VPS13D: variants seen among roughly 807,000 people sequenced by gnomAD.
VPS13D encodes the protein vacuolar protein sorting 13 homolog D.
In VPS13D, 187 loss-of-function variants were observed where a neutral mutation model predicts 461.9. That is an observed-to-expected ratio of 0.40 (90% CI 0.36 to 0.46). VPS13D has a LOEUF of 0.46. Ranked by LOEUF, VPS13D falls within the 20% of genes least tolerant of loss-of-function variation. The pLI is 0.60. For missense variants in VPS13D, 4,711 were observed against 5,364.9 expected (o/e 0.88, Z 3.81); for synonymous variants, 1,951 against 1,986.3 (o/e 0.98, Z 0.47).
chr1:12,306,610 C>T (rs1268915797), intron 26 of VPS13D, among the ~76,000 whole-genome samples: 1 of 152,172 alleles, frequency 6.6e-6, no homozygotes, highest in Non-Finnish European at 1.5e-5. Context: ...TCTGAAATTT[C>T]ACTATTAATG....
rs202111840 is a variant in VPS13D, at chr1:12,369,447, C to T, written c.10573-20C>T. On this transcript the variant is annotated intron_variant, in intron 53 of 69. Transcript: ENST00000620676. ...CACTCTGAATGAAAGTCCTCTTTGT[C>T]CTCTCTGCCATCACTCTAGGTCCCG... The T allele has an allele frequency of 7.4e-6, 12 of 1,611,360 alleles. No homozygotes were observed. Among genetic ancestry groups the T allele is most frequent in the East Asian group, 2.2e-5 (1 of 44,854 alleles).
intron 67 of VPS13D, among the ~76,000 whole-genome samples, chr1:12,489,736 A>T (rs984571987): frequency 6.6e-6 from 1 of 152,198 alleles, no homozygotes; most frequent in African/African-American, 2.4e-5. Flanking sequence ...AATAGGTAGC[A>T]TTTTATCGAG....
At position 12,316,112 on chromosome 1, in the gene VPS13D, G is replaced by T. The variant is rs191091810; in HGVS notation, c.7148+1785G>T. Among the ~76,000 whole-genome samples the T allele has an allele frequency of 5.9e-4, 90 of 152,246 alleles. 1 individual carries two copies. The highest frequency in any genetic ancestry group is 1.4e-3 in the Admixed American group (21 of 15,296). On this transcript the variant is annotated intron_variant, in intron 30 of 69. Transcript: ENST00000620676. ...TTACAGGTGTGAGCCACCGTGCCCG[G>T]CCGAGAAACATTTCTTTTTGAGTTT...
Position 12,279,686 on chromosome 1 carries a change from T to C in VPS13D, c.4602+36T>C. 1.3e-6 allele frequency: 2 copies of C among 1,575,286 alleles called. No homozygotes were observed. The highest frequency in any genetic ancestry group is 1.7e-6 in the Non-Finnish European group (2 of 1,153,106). ...GTCAGGGCAGTTGAAGTCATATGTT[T>C]ATATTAGTACTCTATAAATATGATA... On this transcript the variant is annotated intron_variant, in intron 20 of 69. Transcript: ENST00000620676. This position sits in a 1 kb window ranked among gnomAD's most constrained non-coding sequence, Gnocchi z 4.3.
chr1:12,277,632 G>C lies in VPS13D; in HGVS notation c.4044G>C (p.Lys1348Asn), dbSNP rs769059213. Residue 1348 changes from lysine to asparagine, a missense_variant, in exon 19 of 70, where the codon AAG becomes AAC. Physicochemically the swap from Lys to Asn is moderately conservative, Grantham distance 94. Around this residue, in one of 3 missense-constraint regions of VPS13D, gnomAD observed 4,411 missense variants for 4,937.8 expected, o/e 0.89. Coordinates refer to ENST00000620676, the MANE Select transcript of VPS13D (RefSeq NM_015378.4). ...EMVSLFETPR[K>N]TREPFILEEN... ...TATCGCTCTTTGAAACTCCAAGGAA[G>C]ACTCGGGAACCCTTTATCTTAGAGG... is the stretch of plus-strand genomic sequence containing the variant. 8 of 1,614,032 alleles carry C rather than the reference G, an allele frequency of 5.0e-6. No homozygotes were observed. The highest frequency in any genetic ancestry group is 6.8e-6 in the Non-Finnish European group (8 of 1,180,004).
chr1:12,460,151 T>A, intron 66 of VPS13D, 50 bp from the exon 67 acceptor site: 1 of 1,476,030 alleles, frequency 6.8e-7, no homozygotes, highest in African/African-American at 1.4e-5. Context: ...CTTTAAATGC[T>A]TTTGCTTTTG....
intron 3 of VPS13D, among the ~76,000 whole-genome samples, chr1:12,242,900 T>C (rs1640424772): frequency 6.6e-6 from 1 of 152,190 alleles, no homozygotes; most frequent in Non-Finnish European, 1.5e-5. Flanking sequence ...AGAACCTCTG[T>C]TCTACATTCA....
At chr1:12,282,667 A>T in intron 20 of VPS13D, 38 bp from the exon 21 acceptor site, 3 of 1,551,956 alleles carry the variant, frequency 1.9e-6, no homozygotes. Flanking sequence ...CGTGCATTTA[A>T]TAATAAGAGT....
intron 67 of VPS13D, among the ~76,000 whole-genome samples, chr1:12,484,046 G>A (rs1196074170): frequency 6.6e-6 from 1 of 151,934 alleles, no homozygotes; most frequent in African/African-American, 2.4e-5. Context: ...GATGTTTTTG[G>A]ATTATATGTG....
intron 65 of VPS13D, among the ~76,000 whole-genome samples, chr1:12,424,365 G>C (rs542899336): frequency 2.8e-4 from 43 of 152,198 alleles, no homozygotes; most frequent in South Asian, 2.1e-3. Flanking sequence ...CATTCCCTTA[G>C]TCTGAGCTCT....
chr1:12,259,419 G>A (rs2101278854), intron 10 of VPS13D, among the ~76,000 whole-genome samples: 1 of 151,810 alleles, frequency 6.6e-6, no homozygotes, highest in Admixed American at 6.6e-5. Context: ...TGGTTCAAGG[G>A]ATCCTCCCAC....
intron 14 of VPS13D, 104 bp from the exon 15 acceptor site, chr1:12,267,741 G>C (rs1641315653): frequency 3.0e-6 from 3 of 999,806 alleles, no homozygotes; most frequent in Non-Finnish European, 4.7e-6. Context: ...GTTTTGATTT[G>C]ATGGTGCTAA....
chr1:12,348,956 G>A lies in VPS13D; in HGVS notation c.9203G>A (p.Ser3068Asn). 6.2e-7 allele frequency: 1 copy of A among 1,614,166 alleles called. No individual in the cohort carries two copies. Among genetic ancestry groups the A allele is most frequent in the Non-Finnish European group, 8.5e-7 (1 of 1,180,028 alleles). The change falls in exon 45 of 70, where the codon AGC (serine) becomes AAC (asparagine). Residue 3068 changes from serine to asparagine, a missense_variant. By Grantham distance (46) the Ser-to-Asn change is conservative. Around this residue, in one of 3 missense-constraint regions of VPS13D, gnomAD observed 4,411 missense variants for 4,937.8 expected, o/e 0.89. Transcript: ENST00000620676. ...LETPMELRLD[S>N]PSAPDKPVVL... ...ACACCAATGGAACTAAGACTGGATA[G>A]CCCATCAGCTCCAGACAGTATGTTT...
At chr1:12,272,392 G>GGTGTGTGTGTGTGTGTGTGT (rs60615824) in intron 17 of VPS13D, among the ~76,000 whole-genome samples, 5 of 143,036 alleles carry the variant, frequency 3.5e-5, no homozygotes, top group African/African-American at 1.3e-4. Context: ...TTTTTGTTTT[G>GGTGTGTGTGTGTGTGTGTGT]GTGTGTGTGT....
chr1:12,407,204 A>G (rs772701039), intron 63 of VPS13D: 33 of 152,272 alleles, frequency 2.2e-4, no homozygotes, highest in Non-Finnish European at 4.3e-4. Flanking sequence ...TGCTTCACAT[A>G]AACAGTCTCT....
intron 55 of VPS13D, among the ~76,000 whole-genome samples, chr1:12,375,411 A>G (rs554001133): frequency 3.3e-5 from 5 of 152,260 alleles, no homozygotes; most frequent in African/African-American, 1.2e-4. Context: ...ATTTATTTCT[A>G]TGTCTACATA....
At chr1:12,238,760 A>G (rs1640249887) in intron 2 of VPS13D, among the ~76,000 whole-genome samples, 1 of 151,498 alleles carries the variant, frequency 6.6e-6, no homozygotes, top group Non-Finnish European at 1.5e-5. Flanking sequence ...CTCAGCCTCC[A>G]GGGTAGCTGG....
chr1:12,292,535 G>T (rs866241697), intron 23 of VPS13D, among the ~76,000 whole-genome samples: 2 of 150,032 alleles, frequency 1.3e-5, no homozygotes, highest in Middle Eastern at 3.4e-3. Flanking sequence ...TACCTCCCAG[G>T]CTCAAGCAAT....
chr1:12,376,529 T>C (rs1644201231), intron 55 of VPS13D, among the ~76,000 whole-genome samples: 2 of 152,204 alleles, frequency 1.3e-5, no homozygotes, highest in Non-Finnish European at 2.9e-5. Context: ...ACAAAAACCA[T>C]GAGGCAATTT....
Sources: gnomAD v4.1 joint callset for allele counts (sites outside exome capture counted in the v4.1 genomes callset) on GRCh38, gnomAD v4.1.1 for gene constraint, gnomAD v4.1.1 regional missense constraint, Gnocchi (gnomAD v3.1) non-coding constraint, MANE v1.5 for transcripts, NCBI Gene and HGNC (gene_info 2026-07-23, HGNC 2026-07-21) for gene names.